The following MAGT1 variants were observed in gnomAD, a reference collection of about 807,000 sequenced individuals.
The protein encoded by MAGT1 is magnesium transporter 1, also known as dolichyl-diphosphooligosaccharide--protein glycosyltransferase subunit MAGT1.
Under a neutral mutation model 28.4 loss-of-function variants are expected in MAGT1, and 4 were observed. The ratio of observed to expected loss-of-function variants is 0.14; its 90% CI spans 0.07 to 0.32. The LOEUF (loss-of-function observed/expected upper bound fraction) is 0.32, where lower values mean the gene tolerates loss of function less well. Ranked by LOEUF, MAGT1 falls within the 10% of genes least tolerant of loss-of-function variation. The probability of loss-of-function intolerance (pLI) is 1.00; values close to 1 mark genes in which losing one functional copy is unlikely to be tolerated. For synonymous variants in MAGT1, 89 were observed against 89.7 expected, an observed-to-expected ratio of 0.99 and a Z score of 0.04; for missense variants, 193 against 264.5, an observed-to-expected ratio of 0.73 and a Z score of 1.88.
intron 8 of MAGT1, among the ~76,000 whole-genome samples, chrX:77,835,362 A>C (rs1178677314): frequency 8.9e-6 from 1 of 111,986 alleles, no homozygotes; most frequent in Non-Finnish European, 1.9e-5. Context: ...GCAAATAAAA[A>C]TTGCAATGAG....
chrX:77,884,773 C>T (rs1812198769), intron 1 of MAGT1, among the ~76,000 whole-genome samples: 1 of 107,790 alleles, frequency 9.3e-6, no homozygotes, highest in Non-Finnish European at 1.9e-5. Flanking sequence ...ACCCCCAATC[C>T]CACAATATTG....
At chrX:77,835,343 C>T (rs1432565979) in intron 8 of MAGT1, among the ~76,000 whole-genome samples, 1 of 111,538 alleles carries the variant, frequency 9.0e-6, no homozygotes, top group Non-Finnish European at 1.9e-5. Context: ...CAATGATCAT[C>T]AGAGAAATGC....
chrX:77,834,666 T>C (rs1324756448), intron 8 of MAGT1, among the ~76,000 whole-genome samples: 1 of 110,177 alleles, frequency 9.1e-6, no homozygotes, highest in Non-Finnish European at 1.9e-5. Context: ...GAAACAACTA[T>C]AAGAAAACAA....
chrX:77,853,869 T>C (rs1363060556), intron 7 of MAGT1, 32 bp downstream of exon 7: 2 of 1,132,315 alleles, frequency 1.8e-6, no homozygotes, highest in African/African-American at 3.6e-5. Flanking sequence ...ACAGACAAAA[T>C]ACAGCAAGAA....
rs1382766538 is a variant in MAGT1, at chrX:77,854,100, G to A, written c.763-136C>T. On this transcript the variant is annotated intron_variant, in intron 6 of 9. Transcript: ENST00000618282. ...CCATGTGACATACTCCGGGTCTGTG[G>A]CATTCATCAGTAAGTCTGGTTACTA... 5.8e-6 allele frequency: 3 copies of A among 519,196 alleles called. No individual in the cohort carries two copies. In the Admixed American group the frequency reaches 8.2e-5, roughly 14 times the overall value. The allele number at this position is 519,196 out of a possible 1,213,427, so 42.8% of individuals were successfully genotyped here. A position where few individuals can be genotyped will look rare whatever the true frequency, so the allele number is the denominator to read the frequency against.
chrX:77,863,875 T>A (rs886564489), intron 3 of MAGT1, among the ~76,000 whole-genome samples: 1 of 110,530 alleles, frequency 9.0e-6, no homozygotes, highest in Non-Finnish European at 1.9e-5. Context: ...TACAAAAAAA[T>A]TAGCCAGGCG....
intron 8 of MAGT1, among the ~76,000 whole-genome samples, chrX:77,831,863 G>A (rs782761229): frequency 1.8e-5 from 2 of 111,576 alleles, no homozygotes; most frequent in Non-Finnish European, 3.8e-5. Context: ...AAAGAGCTGG[G>A]ATTACAGGCA....
At chrX:77,839,561 G>A in intron 8 of MAGT1, among the ~76,000 whole-genome samples, 1 of 101,914 alleles carries the variant, frequency 9.8e-6, no homozygotes, top group Non-Finnish European at 2.0e-5. Context: ...AGGCTGGAGT[G>A]CAGTGGCGTG....
At chrX:77,865,081 TACA>T (rs2077004893) in intron 3 of MAGT1, among the ~76,000 whole-genome samples, 1 of 111,907 alleles carries the variant, frequency 8.9e-6, no homozygotes, top group Admixed American at 9.6e-5. Context: ...CCTTTTAGGT[TACA>T]ACATTTTTAT....
intron 1 of MAGT1, among the ~76,000 whole-genome samples, chrX:77,884,988 G>C (rs1040217233): frequency 1.9e-5 from 2 of 105,904 alleles, no homozygotes; most frequent in Non-Finnish European, 3.9e-5. Flanking sequence ...CGTGAACCCG[G>C]GAGTCGGAGC....
intron 1 of MAGT1, among the ~76,000 whole-genome samples, chrX:77,877,604 G>A (rs1485836060): frequency 9.1e-6 from 1 of 109,703 alleles, no homozygotes; most frequent in African/African-American, 3.3e-5. Flanking sequence ...CTTGAGGTAA[G>A]GAGTTCGAGA....
At chrX:77,840,487 T>A (rs2076931930) in intron 8 of MAGT1, among the ~76,000 whole-genome samples, 1 of 109,384 alleles carries the variant, frequency 9.1e-6, no homozygotes, top group Non-Finnish European at 1.9e-5. Flanking sequence ...GAAGAATAAT[T>A]ATAGTTAAAA....
intron 1 of MAGT1, among the ~76,000 whole-genome samples, chrX:77,877,744 C>G (rs782283141): frequency 9.3e-6 from 1 of 107,027 alleles, no homozygotes; most frequent in African/African-American, 3.4e-5. Context: ...ACCTGGGAGG[C>G]GGAGGTTGCG....
chrX:77,855,069 T>C (rs1215825332), intron 6 of MAGT1, among the ~76,000 whole-genome samples: 1 of 111,396 alleles, frequency 9.0e-6, no homozygotes, highest in Admixed American at 9.6e-5. Context: ...TTCCCAGCAC[T>C]TTGGGAGGCT....
Position 77,885,077 on chromosome X carries a change from AAGAG to A in MAGT1, c.103-9484_103-9481del, listed in dbSNP as rs1304033228. 2.4e-3 allele frequency among the ~76,000 whole-genome samples: 261 copies of A among 107,279 alleles called. 2 individuals carry two copies. The highest frequency in any genetic ancestry group is 5.0e-3 in the South Asian group (12 of 2,422). 93.2% of individuals were successfully genotyped at this position (107,279 alleles called of 115,157 possible). A position where few individuals can be genotyped will look rare whatever the true frequency, so the allele number is the denominator to read the frequency against. Reference sequence around the variant, plus strand: ...ACTCCATCTCAAAAAAAAAAAAAAAAAGAGAGAGACAGGGTGTCACTTTGTCACC... The same window carrying A: ...ACTCCATCTCAAAAAAAAAAAAAAAAAGAGACAGGGTGTCACTTTGTCACC... On this transcript the variant is annotated intron_variant, in intron 1 of 9. Transcript: ENST00000618282.
rs1557217280 is a variant in MAGT1 at position 77,870,811 on chromosome X, C to G, written c.387G>C (p.Gln129His). The G allele has an allele frequency of 1.7e-6, 2 of 1,154,833 alleles. No individual in the cohort carries two copies. The highest frequency in any genetic ancestry group is 2.2e-5 in the Admixed American group (1 of 45,846). Residue 129 changes from glutamine to histidine, a missense_variant, in exon 3 of 10, where the codon CAG becomes CAC. Transcript: ENST00000618282. ...VDFDEGSDVF[Q>H]MLNMNSAPTF... is the part of the protein sequence containing the mutation. The stretch of plus-strand genomic sequence containing the variant: ...CAGAATAAACCAAAGATCTTACCAT[C>G]TGAAATACATCAGAGCCTTCATCAA...
rs2077009310 is a variant in MAGT1, at chrX:77,866,592, C to T, written c.390+4216G>A. ...GAAAGAGATCTAACTTAACTGACTCCGACTTGGTTCTAACCTCCAAGCTGT... is the reference window on the plus strand; with the variant it reads ...GAAAGAGATCTAACTTAACTGACTCTGACTTGGTTCTAACCTCCAAGCTGT... On this transcript the variant is annotated intron_variant, in intron 3 of 9. Transcript: ENST00000618282. Among the ~76,000 whole-genome samples the T allele has an allele frequency of 9.0e-5, 6 of 66,641 alleles. 2 individuals carry two copies. Among genetic ancestry groups the T allele is most frequent in the Non-Finnish European group, 1.6e-4 (4 of 24,632 alleles). The allele number at this position is 66,641 out of a possible 115,157, so 57.9% of individuals were successfully genotyped here. A position where few individuals can be genotyped will look rare whatever the true frequency, so the allele number is the denominator to read the frequency against.
intron 6 of MAGT1, among the ~76,000 whole-genome samples, chrX:77,854,274 G>A (rs781848082): frequency 2.7e-4 from 30 of 111,065 alleles, no homozygotes; most frequent in Non-Finnish European, 4.9e-4. Flanking sequence ...TCCTGGCTCC[G>A]GTGATCTTCC....
At chrX:77,833,937 A>G (rs1557213600) in intron 8 of MAGT1, among the ~76,000 whole-genome samples, 1 of 110,409 alleles carries the variant, frequency 9.1e-6, no homozygotes, top group Non-Finnish European at 1.9e-5. Flanking sequence ...ACAGACATAC[A>G]GACCAGTGGG....
Sources: allele counts gnomAD v4.1 joint callset (sites outside exome capture counted in the v4.1 genomes callset), GRCh38; gene constraint gnomAD v4.1.1; transcripts MANE v1.5; gene names NCBI Gene and HGNC (gene_info 2026-07-23, HGNC 2026-07-21).